The following BRAT1 variants were observed in gnomAD, a reference collection of about 807,000 sequenced individuals.
BRAT1 encodes integrator complex assembly factor BRAT1.
A neutral mutation model predicts 70.6 loss-of-function variants in BRAT1; 74 were observed. That is an observed-to-expected ratio of 1.05 (90% confidence interval 0.87 to 1.27). The LOEUF (loss-of-function observed/expected upper bound fraction) is 1.27. Among genes scored for constraint, BRAT1 ranks in the 50% most tolerant of loss-of-function variants. The pLI is 0.00. For synonymous variants in BRAT1, 615 were observed against 517.1 expected (o/e 1.19, Z -2.57); for missense variants, 1,203 against 1,098.2 (o/e 1.10, Z -1.35).
intron 2 of BRAT1, among the ~76,000 whole-genome samples, chr7:2,548,552 G>A (rs1779776872): frequency 6.6e-6 from 1 of 152,068 alleles, no homozygotes; most frequent in Non-Finnish European, 1.5e-5. Context: ...TGCAGTCCCA[G>A]CTACTCAGGA....
intron 10 of BRAT1, chr7:2,540,529 C>T (rs1258368809): frequency 6.1e-6 from 1 of 164,580 alleles, no homozygotes; most frequent in East Asian, 1.7e-4. Flanking sequence ...CTTAGGATCC[C>T]AAGAAGCCCT....
In BRAT1 at chr7:2,543,959, G is replaced by A. The variant is rs140833277; in HGVS notation, c.434C>T (p.Ala145Val). The A allele has an allele frequency of 1.1e-3, 1,756 of 1,566,410 alleles. 2 individuals carry two copies. Among genetic ancestry groups the A allele is most frequent in the Non-Finnish European group, 1.3e-3 (1,503 of 1,150,046 alleles). ...SALRFLADHG[A>V]VDTIFSLQGD... ...CTGCAGGGAGAAGATGGTGTCGACC[G>A]CACCTGGGTAGGGGATGGGGGAAGA... Residue 145 changes from alanine (A) to valine (V), a missense_variant, in exon 5 of 14, where the codon GCG (alanine) becomes GTG (valine). Ala to Val is a moderately conservative substitution (Grantham distance 64). Transcript: ENST00000340611. This position sits in a 1 kb window ranked among gnomAD's most constrained non-coding sequence, Gnocchi z 5.5.
chr7:2,545,805 T>A (rs1779566443), intron 3 of BRAT1, among the ~76,000 whole-genome samples: 1 of 152,150 alleles, frequency 6.6e-6, no homozygotes, highest in Non-Finnish European at 1.5e-5. Flanking sequence ...GGTACTTTCA[T>A]ACCAGCTGCT....
chr7:2,551,134 G>A (rs1418529505), intron 2 of BRAT1, among the ~76,000 whole-genome samples: 1 of 152,110 alleles, frequency 6.6e-6, no homozygotes, highest in South Asian at 2.1e-4. Flanking sequence ...CAGGTACTCA[G>A]GAGGCTGAGG....
At chr7:2,547,036 A>G (rs1467001286) in intron 3 of BRAT1, among the ~76,000 whole-genome samples, 1 of 152,202 alleles carries the variant, frequency 6.6e-6, no homozygotes, top group East Asian at 1.9e-4. Flanking sequence ...GAAGAGATGG[A>G]GGCTTGCGGC....
At position 2,538,554 on chromosome 7, in the gene BRAT1, A is replaced by T. The variant is rs2128384204; in HGVS notation, c.1981T>A (p.Phe661Ile). 6.2e-7 allele frequency: 1 copy of T among 1,601,188 alleles called. No homozygotes were observed. Residue 661 changes from phenylalanine (F) to isoleucine (I), a missense_variant, in exon 14 of 14, where the codon TTC becomes ATC. Transcript: ENST00000340611. ...RAQGLELALV[F>I]LGQTLGPPRT... ...GGCGGCCCCAAAGTCTGGCCCAGGA[A>T]CACGAGGGCCAGCTCCAGGCCCTGG...
intron 2 of BRAT1, among the ~76,000 whole-genome samples, chr7:2,553,321 G>A (rs566858384): frequency 1.3e-5 from 2 of 152,272 alleles, no homozygotes; most frequent in Admixed American, 6.5e-5. Context: ...ATGAGTCACC[G>A]CGCCTGACCT....
In BRAT1 at chr7:2,547,752, TTC is replaced by T. The variant is rs201970214; in HGVS notation, c.128-276_128-275del. Among the ~76,000 whole-genome samples the T allele has an allele frequency of 7.1e-3, 1,081 of 152,288 alleles. 9 individuals are homozygous for T. Among genetic ancestry groups the T allele is most frequent in the African/African-American group, 0.018 (744 of 41,556 alleles). Reference sequence around the variant, plus strand: ...AATGGCCAAAAATGCTGAAAAAATGTTCTGTCTCACTGATAGTGAAAAAGAAA... The same window carrying T: ...AATGGCCAAAAATGCTGAAAAAATGTTGTCTCACTGATAGTGAAAAAGAAA... On this transcript the variant is annotated intron_variant, in intron 2 of 13. Coordinates refer to ENST00000340611, the MANE Select transcript of BRAT1 (RefSeq NM_152743.4).
At chr7:2,538,978 G>A in intron 13 of BRAT1, 1 of 1,439,508 alleles carries the variant, frequency 6.9e-7, no homozygotes, top group Non-Finnish European at 9.1e-7. Context: ...CTAAGTGGAG[G>A]GGTGCTGGGG....
At chr7:2,541,975 T>A in intron 7 of BRAT1, 139 bp from the exon 8 acceptor site, 1 of 1,195,002 alleles carries the variant, frequency 8.4e-7, no homozygotes, top group African/African-American at 1.5e-5. Flanking sequence ...GATGGCCATG[T>A]CCCCGGTCCC....
In BRAT1 at chr7:2,537,900, C is replaced by A. The variant is rs929058557; in HGVS notation, c.*169G>T. ...TATTTTGAGTAGAAATAAGTCATTTCTTTAATACATCAAACTGTGGGATTT... is the reference window on the plus strand; with the variant it reads ...TATTTTGAGTAGAAATAAGTCATTTATTTAATACATCAAACTGTGGGATTT... On this transcript the variant is annotated 3_prime_UTR_variant, in exon 14 of 14. Coordinates refer to ENST00000340611, the MANE Select transcript of BRAT1 (RefSeq NM_152743.4). 1.5e-5 allele frequency: 17 copies of A among 1,155,440 alleles called. No individual in the cohort carries two copies. The highest frequency in any genetic ancestry group is 3.0e-4 in the Middle Eastern group (1 of 3,328). 71.6% of individuals were successfully genotyped at this position (1,155,440 alleles called of 1,614,324 possible). A position where few individuals can be genotyped will look rare whatever the true frequency, so the allele number is the denominator to read the frequency against.
intron 1 of BRAT1, among the ~76,000 whole-genome samples, 176 bp from the exon 2 acceptor site, chr7:2,554,623 GC>G (rs1490338741): frequency 6.6e-6 from 1 of 152,216 alleles, no homozygotes; most frequent in Non-Finnish European, 1.5e-5. Context: ...TGGATGCAAA[GC>G]TTTGGTCTAG....
rs1778930394 is a variant in BRAT1, at chr7:2,539,074, C to G, written c.1770+105G>C. 3.2e-5 allele frequency: 47 copies of G among 1,485,084 alleles called. 1 individual carries two copies. The South Asian group carries it at 6.0e-4, about 19-fold the overall frequency. The allele number at this position is 1,485,084 out of a possible 1,614,324, so 92.0% of individuals were successfully genotyped here. A position where few individuals can be genotyped will look rare whatever the true frequency, so the allele number is the denominator to read the frequency against. ...CTGCTGCAGGCGCTGCCCACAGCAG[C>G]AGCTGCTCCCACGCTGCATGCTGGC... is the stretch of plus-strand genomic sequence containing the variant. On this transcript the variant is annotated intron_variant, in intron 13 of 13. Transcript: ENST00000340611.
rs138784645 is a variant in BRAT1 at position 2,543,695 on chromosome 7, G to A, written c.698C>T (p.Thr233Met). ...TTFGRCQSPW[T>M]EALWVRLSPR... ...ACTCAGCCGCACCCACAGGGCTTCCGTCCAGGGGCTCTGGCAGCGCCCGAA... is the reference window on the plus strand; with the variant it reads ...ACTCAGCCGCACCCACAGGGCTTCCATCCAGGGGCTCTGGCAGCGCCCGAA... Residue 233 changes from threonine (T) to methionine (M), a missense_variant, in exon 5 of 14, where the codon ACG becomes ATG. Coordinates refer to ENST00000340611, the MANE Select transcript of BRAT1 (RefSeq NM_152743.4). This position sits in a 1 kb window ranked among gnomAD's most constrained non-coding sequence, Gnocchi z 5.5. The A allele has an allele frequency of 5.7e-6, 9 of 1,575,262 alleles. No homozygotes were observed. The Admixed American group carries it at 8.6e-5, about 15-fold the overall frequency.
chr7:2,537,976 C>T lies in BRAT1; in HGVS notation c.*93G>A. ...TGGCTTCCCCAGAGGATCCACCGGG[C>T]TGGGCTGGAGCCCTGGGGCTGGCAG... On this transcript the variant is annotated 3_prime_UTR_variant, in exon 14 of 14. Coordinates refer to ENST00000340611, the MANE Select transcript of BRAT1 (RefSeq NM_152743.4). 5.6e-6 allele frequency: 8 copies of T among 1,422,380 alleles called. No homozygotes were observed. Among genetic ancestry groups the T allele is most frequent in the South Asian group, 3.5e-5 (2 of 57,926 alleles). The allele number at this position is 1,422,380 out of a possible 1,614,324, so 88.1% of individuals were successfully genotyped here.
In BRAT1 at chr7:2,543,776, A is replaced by C; in HGVS notation, c.617T>G (p.Leu206Trp). Residue 206 changes from leucine (L) to tryptophan (W), a missense_variant, in exon 5 of 14, where the codon TTG (leucine) becomes TGG (tryptophan). Physicochemically the swap from Leu to Trp is moderately conservative, Grantham distance 61. Coordinates refer to ENST00000340611, the MANE Select transcript of BRAT1 (RefSeq NM_152743.4). The surrounding 1 kb of genome is among the most constrained non-coding windows in gnomAD (Gnocchi z 5.5). ...QKIMDHVEES[L>W]CSAATPKVTQ... ...GACCTTGGGGGTGGCCGCGGAGCAC[A>C]AGGACTCTTCAACGTGATCCATGAT... 6.2e-7 allele frequency: 1 copy of C among 1,611,734 alleles called. No homozygotes were observed. The highest frequency in any genetic ancestry group is 8.5e-7 in the Non-Finnish European group (1 of 1,178,928).
intron 3 of BRAT1, 79 bp from the exon 4 acceptor site, chr7:2,545,135 G>T: frequency 1.4e-6 from 2 of 1,404,122 alleles, no homozygotes; most frequent in Non-Finnish European, 1.9e-6. Flanking sequence ...GGAGGCCGAG[G>T]AGGGCAGATC....
intron 2 of BRAT1, among the ~76,000 whole-genome samples, chr7:2,548,559 A>C (rs1235432082): frequency 1.3e-5 from 2 of 151,776 alleles, no homozygotes; most frequent in Non-Finnish European, 2.9e-5. Flanking sequence ...CCAGCTACTC[A>C]GGAGGCTGAG....
At chr7:2,550,088 A>G (rs1229375175) in intron 2 of BRAT1, among the ~76,000 whole-genome samples, 5 of 151,884 alleles carry the variant, frequency 3.3e-5, no homozygotes, top group Non-Finnish European at 7.4e-5. Context: ...ACTTGAGCCC[A>G]GGAAGTTGAG....
Sources: gnomAD v4.1 joint callset for allele counts (sites outside exome capture counted in the v4.1 genomes callset) on GRCh38, gnomAD v4.1.1 for gene constraint, Gnocchi (gnomAD v3.1) non-coding constraint, MANE v1.5 for transcripts, NCBI Gene and HGNC (gene_info 2026-07-23, HGNC 2026-07-21) for gene names.